Variants in MYLK observed in about 807,000 individuals in gnomAD.
MYLK encodes the protein myosin light chain kinase, smooth muscle.
In MYLK, 106 loss-of-function variants were observed where a neutral mutation model predicts 203.4. That is an observed-to-expected ratio of 0.52 (90% CI 0.45 to 0.61). MYLK has a LOEUF of 0.61. Ranked by LOEUF, MYLK falls within the 20% of genes least tolerant of loss-of-function variation. The probability of loss-of-function intolerance (pLI) is 0.00; values close to 1 mark genes in which losing one functional copy is unlikely to be tolerated. For missense variants in MYLK, 2,072 were observed against 2,442.3 expected, an observed-to-expected ratio of 0.85 and a Z score of 3.20; for synonymous variants, 867 against 959.5, an observed-to-expected ratio of 0.90 and a Z score of 1.78.
At chr3:123,653,986 T>TGTG (rs2059306675) in intron 24 of MYLK, among the ~76,000 whole-genome samples, 461 of 137,754 alleles carry the variant, frequency 3.3e-3, no homozygotes, top group Non-Finnish European at 4.7e-3. Flanking sequence ...CAGAGGGATG[T>TGTG]TGTGTGTGTG....
At chr3:123,757,879 A>C (rs1690589325) in intron 4 of MYLK, among the ~76,000 whole-genome samples, 1 of 152,168 alleles carries the variant, frequency 6.6e-6, no homozygotes, top group Non-Finnish European at 1.5e-5. Context: ...TTACCCTGTT[A>C]CAAGTGTTGT....
chr3:123,742,598 G>A (rs901558692), intron 5 of MYLK, among the ~76,000 whole-genome samples: 2 of 152,164 alleles, frequency 1.3e-5, no homozygotes, highest in Middle Eastern at 3.4e-3. Flanking sequence ...TTCTAAACAC[G>A]CTCCATACAA....
At chr3:123,722,309 C>G (rs780218802) in intron 12 of MYLK, 29 bp from the exon 13 acceptor site, 243 of 1,556,712 alleles carry the variant, frequency 1.6e-4, no homozygotes, top group Middle Eastern at 9.6e-4. Flanking sequence ...AAGGCTCAGG[C>G]CAGGCAGCAC....
intron 3 of MYLK, among the ~76,000 whole-genome samples, chr3:123,808,590 C>T (rs973137933): frequency 3.9e-5 from 6 of 152,132 alleles, no homozygotes; most frequent in African/African-American, 1.2e-4. Flanking sequence ...AGCCCCTAAC[C>T]CTAGAATACA....
chr3:123,778,748 G>A (rs1207737366), intron 4 of MYLK, among the ~76,000 whole-genome samples: 2 of 152,168 alleles, frequency 1.3e-5, no homozygotes, highest in African/African-American at 4.8e-5. Flanking sequence ...CATCTCTGGA[G>A]ACTAACAGCT....
chr3:123,632,345 C>T (rs573123828), intron 29 of MYLK, among the ~76,000 whole-genome samples: 1 of 152,292 alleles, frequency 6.6e-6, no homozygotes, highest in South Asian at 2.1e-4. Context: ...CCACTGGAAA[C>T]AGAGAGGGGG....
intron 2 of MYLK, among the ~76,000 whole-genome samples, chr3:123,850,430 G>A (rs1301557365): frequency 3.3e-5 from 5 of 152,216 alleles, no homozygotes; most frequent in East Asian, 1.9e-4. Context: ...TTTAATGATC[G>A]CCATTCTAAC....
chr3:123,770,453 A>T (rs892261349), intron 4 of MYLK, among the ~76,000 whole-genome samples: 5 of 152,230 alleles, frequency 3.3e-5, no homozygotes, highest in Non-Finnish European at 2.9e-5. Flanking sequence ...GCCGAGCATG[A>T]GTCTTTTAAA....
intron 18 of MYLK, among the ~76,000 whole-genome samples, chr3:123,698,582 AG>A (rs896074163): frequency 6.6e-6 from 1 of 152,026 alleles, no homozygotes; most frequent in Non-Finnish European, 1.5e-5. Flanking sequence ...GCCTCAGGGG[AG>A]GGGGGCTGAG....
intron 20 of MYLK, 26 bp downstream of exon 20, chr3:123,682,198 C>G (rs1157582760): frequency 6.3e-7 from 1 of 1,575,972 alleles, no homozygotes; most frequent in Non-Finnish European, 8.6e-7. Context: ...TCTGCCTCTG[C>G]CTGGTGAAGC....
chr3:123,685,824 C>T (rs899327909), intron 19 of MYLK, among the ~76,000 whole-genome samples: 1 of 152,124 alleles, frequency 6.6e-6, no homozygotes, highest in Non-Finnish European at 1.5e-5. Flanking sequence ...CTGTAATGTG[C>T]TTTGAGTCTT....
chr3:123,754,524 C>A (rs2108891296), intron 4 of MYLK, among the ~76,000 whole-genome samples: 1 of 152,310 alleles, frequency 6.6e-6, no homozygotes. Context: ...GCCATGTGAA[C>A]AATGCCTGAA....
chr3:123,722,647 T>C (rs996767841), intron 12 of MYLK, among the ~76,000 whole-genome samples: 3 of 152,136 alleles, frequency 2.0e-5, no homozygotes, highest in African/African-American at 7.2e-5. Flanking sequence ...CTTCACAGAA[T>C]TCTGAGCCTG....
intron 3 of MYLK, among the ~76,000 whole-genome samples, chr3:123,809,816 C>T (rs1196667095): frequency 1.3e-5 from 2 of 152,144 alleles, no homozygotes; most frequent in Non-Finnish European, 1.5e-5. Flanking sequence ...ACGCAGTAGC[C>T]AAATGCCACA....
intron 2 of MYLK, among the ~76,000 whole-genome samples, chr3:123,857,124 G>C (rs372093004): frequency 2.0e-5 from 3 of 151,770 alleles, no homozygotes; most frequent in Non-Finnish European, 1.5e-5. Flanking sequence ...TTAGAATGGC[G>C]ATCATTAAAA....
intron 13 of MYLK, among the ~76,000 whole-genome samples, chr3:123,710,322 C>T (rs781502878): frequency 6.8e-6 from 1 of 146,608 alleles, no homozygotes; most frequent in Admixed American, 6.8e-5. Flanking sequence ...AAATGATCTA[C>T]GTGTGTAACA....
At chr3:123,638,471 G>A (rs1037357627) in intron 28 of MYLK, among the ~76,000 whole-genome samples, 1 of 152,184 alleles carries the variant, frequency 6.6e-6, no homozygotes, top group African/African-American at 2.4e-5. Context: ...TGGTCTTTTT[G>A]TGAGTCTGTC....
chr3:123,820,197 G>T (rs996668610), intron 3 of MYLK, among the ~76,000 whole-genome samples: 2 of 152,092 alleles, frequency 1.3e-5, no homozygotes, highest in Admixed American at 1.3e-4. Flanking sequence ...GTTGTAGTTG[G>T]GCAGAACAGG....
At position 123,613,702 on chromosome 3, in the gene MYLK, C is replaced by T; in HGVS notation, c.*403G>A. 4.3e-6 allele frequency: 1 copy of T among 233,426 alleles called. No individual in the cohort carries two copies. The allele number at this position is 233,426 out of a possible 1,614,324, so 14.5% of individuals were successfully genotyped here. The stretch of plus-strand genomic sequence containing the variant: ...CAGGGGGTGGGGAGAGAGAGGCCTC[C>T]CATCCCCAGGAACCCTCTGGGCTGA... On this transcript the variant is annotated 3_prime_UTR_variant, in exon 34 of 34. Transcript: ENST00000360304.
Sources: gnomAD v4.1 joint callset for allele counts (sites outside exome capture counted in the v4.1 genomes callset) on GRCh38, gnomAD v4.1.1 for gene constraint, MANE v1.5 for transcripts, NCBI Gene and HGNC (gene_info 2026-07-23, HGNC 2026-07-21) for gene names.